INO80D: variants seen among roughly 807,000 people sequenced by gnomAD.
The protein encoded by INO80D is INO80 complex subunit D.
INO80D carries 21 observed loss-of-function variants against 87.6 expected under a neutral mutation model. The observed-to-expected ratio is 0.24, with a 90% CI of 0.17 to 0.35. INO80D has a LOEUF of 0.35. Ranked by LOEUF, INO80D falls within the 10% of genes least tolerant of loss-of-function variation. INO80D has a pLI of 1.00. For synonymous variants in INO80D, 440 were observed against 491.0 expected (o/e 0.90, Z 1.37); for missense variants, 982 against 1,280.7 (o/e 0.77, Z 3.56).
intron 5 of INO80D, among the ~76,000 whole-genome samples, chr2:206,041,577 A>G (rs1168736563): frequency 6.6e-6 from 1 of 152,250 alleles, no homozygotes. Context: ...CAGATCCAAA[A>G]GGAGAAATAA....
intron 1 of INO80D, among the ~76,000 whole-genome samples, chr2:206,078,281 G>C (rs919085173): frequency 2.0e-5 from 3 of 152,056 alleles, no homozygotes; most frequent in Admixed American, 1.3e-4. Context: ...AGCCGGCGTG[G>C]TGGCACGCGC....
intron 8 of INO80D, 76 bp from the exon 9 acceptor site, chr2:206,009,870 A>G: frequency 8.5e-7 from 1 of 1,174,222 alleles, no homozygotes; most frequent in Non-Finnish European, 1.2e-6. Context: ...AAATACTTAC[A>G]TCCCTTAATA....
At chr2:206,050,697 G>C (rs1316902480) in intron 4 of INO80D, among the ~76,000 whole-genome samples, 1 of 150,980 alleles carries the variant, frequency 6.6e-6, no homozygotes, top group Non-Finnish European at 1.5e-5. Flanking sequence ...CGCCGGGCGC[G>C]GTGGCTCACG....
chr2:206,033,294 C>CA (rs1292514965), intron 5 of INO80D, among the ~76,000 whole-genome samples: 1 of 152,092 alleles, frequency 6.6e-6, no homozygotes, highest in East Asian at 1.9e-4. Flanking sequence ...ACACTCTATT[C>CA]AACAGTGCAT....
intron 8 of INO80D, among the ~76,000 whole-genome samples, chr2:206,012,817 C>A (rs986958053): frequency 1.4e-5 from 2 of 143,910 alleles, no homozygotes; most frequent in African/African-American, 5.2e-5. Flanking sequence ...TGCAGTGAGC[C>A]GAGATTGCAC....
chr2:206,029,093 T>A (rs1688696435), intron 5 of INO80D, among the ~76,000 whole-genome samples: 1 of 152,098 alleles, frequency 6.6e-6, no homozygotes, highest in African/African-American at 2.4e-5. Flanking sequence ...TTTCACCATG[T>A]TAGCTAGGAT....
intron 9 of INO80D, among the ~76,000 whole-genome samples, chr2:206,008,810 T>G (rs578091718): frequency 1.3e-5 from 2 of 152,364 alleles, no homozygotes; most frequent in South Asian, 4.1e-4. Flanking sequence ...ATCAAGTGTG[T>G]CTTAATGCTT....
In INO80D at chr2:206,002,096, G is replaced by A. The variant is rs1687915755; in HGVS notation, c.*2272C>T. Reference sequence around the variant, plus strand: ...TTCCCTTCCTTGTCAAAGGGCTGATGAGGAAGTCAATGTGCTGCTCTGCGA... The same window carrying A: ...TTCCCTTCCTTGTCAAAGGGCTGATAAGGAAGTCAATGTGCTGCTCTGCGA... On this transcript the variant is annotated 3_prime_UTR_variant, in exon 11 of 11. Transcript: ENST00000403263. 1 of 152,162 alleles carries A rather than the reference G, an allele frequency of 6.6e-6. No individual in the cohort carries two copies. Among genetic ancestry groups the A allele is most frequent in the Non-Finnish European group, 1.5e-5 (1 of 68,036 alleles). 9.4% of individuals were successfully genotyped at this position (152,162 alleles called of 1,614,324 possible).
At chr2:206,027,621 T>G (rs1399504856) in intron 6 of INO80D, among the ~76,000 whole-genome samples, 1 of 152,132 alleles carries the variant, frequency 6.6e-6, no homozygotes, top group African/African-American at 2.4e-5. Flanking sequence ...GGAGGGTCAT[T>G]TGAGCCCAGG....
At chr2:206,042,606 G>A (rs977423498) in intron 5 of INO80D, among the ~76,000 whole-genome samples, 29 of 151,434 alleles carry the variant, frequency 1.9e-4, no homozygotes, top group Admixed American at 1.5e-3. Context: ...ACTTGAACTC[G>A]GGGGGCGGAG....
In INO80D at chr2:206,005,201, G is replaced by C; in HGVS notation, c.2251C>G (p.Gln751Glu). The change falls in exon 11 of 11, where the codon CAG becomes GAG. Residue 751 changes from glutamine to glutamate, a missense_variant. Physicochemically the swap from Gln to Glu is conservative, Grantham distance 29 (BLOSUM62 2). Coordinates refer to ENST00000403263, the MANE Select transcript of INO80D (RefSeq NM_017759.5). Reference protein sequence around the residue: ...LSNPPTPLAGQIQGQFSAPAN... With the variant: ...LSNPPTPLAGEIQGQFSAPAN... ...GGGGCAGAGAACTGCCCCTGGATCT[G>C]CCCTGCCAGGGGTGTAGGTGGGTTT... The C allele has an allele frequency of 6.2e-7, 1 of 1,614,026 alleles. No homozygotes were observed. Among genetic ancestry groups the C allele is most frequent in the Non-Finnish European group, 8.5e-7 (1 of 1,179,892 alleles).
intron 1 of INO80D, among the ~76,000 whole-genome samples, chr2:206,084,151 C>T (rs1690363409): frequency 6.7e-6 from 1 of 150,296 alleles, no homozygotes; most frequent in Non-Finnish European, 1.5e-5. Flanking sequence ...AGAAAACATA[C>T]GTGTGTGTGT....
At position 206,034,241 on chromosome 2, in the gene INO80D, C is replaced by G. The variant is rs186334676; in HGVS notation, c.1074-5906G>C. Among the ~76,000 whole-genome samples, 16 of 152,290 alleles carry G rather than the reference C, an allele frequency of 1.1e-4. No individual in the cohort carries two copies. In the East Asian group the frequency reaches 3.1e-3, roughly 29 times the overall value. On this transcript the variant is annotated intron_variant, in intron 5 of 10. Transcript: ENST00000403263. ...GAGAAAGAAGGAATCCTCCCTACTTCATTCTATGAAGCCAGCATCACCCTA... is the reference window on the plus strand; with the variant it reads ...GAGAAAGAAGGAATCCTCCCTACTTGATTCTATGAAGCCAGCATCACCCTA...
intron 5 of INO80D, among the ~76,000 whole-genome samples, chr2:206,046,007 A>T (rs1012979475): frequency 4.6e-5 from 7 of 152,198 alleles, no homozygotes; most frequent in Non-Finnish European, 4.4e-5. Flanking sequence ...TTAATGATGA[A>T]TGGGAAAGGT....
At chr2:206,055,014 T>C (rs1461350211) in intron 4 of INO80D, among the ~76,000 whole-genome samples, 1 of 152,224 alleles carries the variant, frequency 6.6e-6, no homozygotes, top group Non-Finnish European at 1.5e-5. Context: ...TACCATATCC[T>C]GACCCTGACC....
At position 206,078,888 on chromosome 2, in the gene INO80D, A is replaced by C. The variant is rs529738261; in HGVS notation, c.-124+7013T>G. Among the ~76,000 whole-genome samples, 4 of 152,244 alleles carry C rather than the reference A, an allele frequency of 2.6e-5. No individual in the cohort carries two copies. In the East Asian group the frequency reaches 7.7e-4, roughly 29 times the overall value. ...AACCTGGGAGGCAGAGATTGCAGTG[A>C]GCCAATCGCACCACTGCACTCTAGG... On this transcript the variant is annotated intron_variant, in intron 1 of 10. Transcript: ENST00000403263.
intron 1 of INO80D, among the ~76,000 whole-genome samples, chr2:206,075,741 A>G (rs752499470): frequency 6.6e-6 from 1 of 151,048 alleles, no homozygotes; most frequent in African/African-American, 2.4e-5. Context: ...CCCAGTTCAT[A>G]CCTTATAATT....
Position 206,032,340 on chromosome 2 carries a change from G to A in INO80D, c.1074-4005C>T, listed in dbSNP as rs956250066. 2.8e-4 allele frequency among the ~76,000 whole-genome samples: 43 copies of A among 152,314 alleles called. 1 individual carries two copies. Among genetic ancestry groups the A allele is most frequent in the African/African-American group, 9.6e-4 (40 of 41,562 alleles). Reference sequence around the variant, plus strand: ...GCCTGGAAACAGACTGGGGCTATTAGGTGGGGCATGGTGGGAGTGAAACCA... The same window carrying A: ...GCCTGGAAACAGACTGGGGCTATTAAGTGGGGCATGGTGGGAGTGAAACCA... On this transcript the variant is annotated intron_variant, in intron 5 of 10. Coordinates refer to ENST00000403263, the MANE Select transcript of INO80D (RefSeq NM_017759.5).
At chr2:206,028,571 G>A (rs1172137353) in intron 5 of INO80D, among the ~76,000 whole-genome samples, 1 of 152,116 alleles carries the variant, frequency 6.6e-6, no homozygotes, top group African/African-American at 2.4e-5. Context: ...TTCTTAGCAT[G>A]GCATCAGTAG....
Sources: gnomAD v4.1 joint callset for allele counts (sites outside exome capture counted in the v4.1 genomes callset) on GRCh38, gnomAD v4.1.1 for gene constraint, MANE v1.5 for transcripts, NCBI Gene and HGNC (gene_info 2026-07-23, HGNC 2026-07-21) for gene names.